The following PCDH15 variants were observed in gnomAD, a reference collection of about 807,000 sequenced individuals.
PCDH15 encodes the protein protocadherin related 15, also known as protocadherin-15.
Under a neutral mutation model 178.5 loss-of-function variants are expected in PCDH15, and 129 were observed. The observed-to-expected ratio is 0.72, with a 90% CI of 0.63 to 0.84. The LOEUF (loss-of-function observed/expected upper bound fraction) is 0.84. PCDH15 is among the 40% of genes least tolerant of loss of function. PCDH15 has a pLI of 0.00. For missense variants in PCDH15, 2,230 were observed against 2,099.9 expected, an observed-to-expected ratio of 1.06 and a Z score of -1.21; for synonymous variants, 800 against 732.0, an observed-to-expected ratio of 1.09 and a Z score of -1.50.
chr10:54,037,082 T>C (rs939743198), intron 18 of PCDH15, among the ~76,000 whole-genome samples: 2 of 151,960 alleles, frequency 1.3e-5, no homozygotes, highest in Non-Finnish European at 2.9e-5. Flanking sequence ...AATCTTATGA[T>C]AAACTTGAAC....
intron 3 of PCDH15, among the ~76,000 whole-genome samples, chr10:54,813,020 C>T (rs776376829): frequency 6.6e-6 from 1 of 152,128 alleles, no homozygotes; most frequent in Admixed American, 6.5e-5. Context: ...TCCAATCTTC[C>T]CTTTCTTTGC....
At chr10:53,823,282 C>A (rs2076431091) in intron 32 of PCDH15, 1 of 1,614,032 alleles carries the variant, frequency 6.2e-7, no homozygotes, top group Non-Finnish European at 8.5e-7. Context: ...AAGGGCATCA[C>A]AACTTGTTGA....
chr10:54,201,317 T>C (rs1366984574), intron 10 of PCDH15, among the ~76,000 whole-genome samples: 1 of 152,156 alleles, frequency 6.6e-6, no homozygotes, highest in South Asian at 2.1e-4. Context: ...CTTATCCTAC[T>C]GAAGCATTAA....
chr10:53,827,988 G>A (rs1025806722), intron 31 of PCDH15, among the ~76,000 whole-genome samples: 16 of 151,840 alleles, frequency 1.1e-4, no homozygotes, highest in African/African-American at 3.9e-4. Context: ...TTATTTCACA[G>A]AGGCTGTACA....
intron 2 of PCDH15, chr10:55,600,135 TG>T: frequency 3.0e-6 from 1 of 337,306 alleles, no homozygotes; most frequent in Non-Finnish European, 5.4e-6. Flanking sequence ...GAGGCCGAGG[TG>T]GGTGGATCAC....
chr10:55,406,103 A>G (rs888536037), intron 2 of PCDH15, among the ~76,000 whole-genome samples: 4 of 151,828 alleles, frequency 2.6e-5, no homozygotes, highest in African/African-American at 9.7e-5. Flanking sequence ...AGAGTACCCA[A>G]ATATGTTCAT....
chr10:53,950,537 C>T (rs1384835122), intron 23 of PCDH15, among the ~76,000 whole-genome samples: 2 of 152,082 alleles, frequency 1.3e-5, no homozygotes, highest in East Asian at 1.9e-4. Context: ...TAATATAATG[C>T]ATTTCCCACT....
At position 54,348,297 on chromosome 10, in the gene PCDH15, T is replaced by G. The variant is rs188508037; in HGVS notation, c.475-1813A>C. Among the ~76,000 whole-genome samples, 61 of 152,274 alleles carry G rather than the reference T, an allele frequency of 4.0e-4. No homozygotes were observed. In the East Asian group the frequency reaches 0.012, roughly 29 times the overall value. On this transcript the variant is annotated intron_variant, in intron 5 of 37. Transcript: ENST00000644397. Reference sequence around the variant, plus strand: ...CCATAAGTACAAGGAAGTTCAGGATTTATAAGGCCCAGTTTCCTAGCAGGC... The same window carrying G: ...CCATAAGTACAAGGAAGTTCAGGATGTATAAGGCCCAGTTTCCTAGCAGGC...
chr10:54,096,578 C>G (rs1326398343), intron 15 of PCDH15, among the ~76,000 whole-genome samples: 2 of 152,120 alleles, frequency 1.3e-5, no homozygotes, highest in Admixed American at 6.5e-5. Flanking sequence ...GATTCAAGAT[C>G]ATGGCACTAG....
intron 2 of PCDH15, among the ~76,000 whole-genome samples, chr10:55,021,826 C>T (rs114364011): frequency 7.0e-4 from 106 of 151,832 alleles, no homozygotes; most frequent in African/African-American, 2.4e-3. Flanking sequence ...AATGGGTCTG[C>T]ATATTTGCTA....
intron 21 of PCDH15, among the ~76,000 whole-genome samples, chr10:53,992,452 TAAAA>T (rs2091585532): frequency 6.6e-6 from 1 of 152,132 alleles, no homozygotes; most frequent in Admixed American, 6.5e-5. Flanking sequence ...CTAAAATATA[TAAAA>T]TATAAGGAAT....
chr10:53,806,286 A>ATTAT lies in PCDH15; in HGVS notation c.*289_*292dup, dbSNP rs1297976656. On this transcript the variant is annotated 3_prime_UTR_variant, in exon 38 of 38. Coordinates refer to ENST00000644397, the MANE Select transcript of PCDH15 (RefSeq NM_001384140.1). ...ATAAAATATAAATGATTATTTAGTA[A>ATTAT]TTATTTCTTGTTTATTAAAATGAAC... 3.7e-5 allele frequency: 10 copies of ATTAT among 268,190 alleles called. 1 individual carries two copies. Among genetic ancestry groups the ATTAT allele is most frequent in the Middle Eastern group, 2.6e-3 (2 of 772 alleles). 16.6% of individuals were successfully genotyped at this position (268,190 alleles called of 1,614,324 possible). A position where few individuals can be genotyped will look rare whatever the true frequency, so the allele number is the denominator to read the frequency against.
At chr10:54,002,357 C>T (rs188862328) in intron 20 of PCDH15, among the ~76,000 whole-genome samples, 1 of 152,046 alleles carries the variant, frequency 6.6e-6, no homozygotes, top group Non-Finnish European at 1.5e-5. Flanking sequence ...CTAACAGTTA[C>T]TCATAGAGCA....
chr10:54,790,993 AAATAAC>A (rs1326489622), intron 1 of PCDH15, among the ~76,000 whole-genome samples: 2 of 151,796 alleles, frequency 1.3e-5, no homozygotes, highest in African/African-American at 2.4e-5. Context: ...CCACAAACAA[AAATAAC>A]AATAACAACA....
intron 1 of PCDH15, among the ~76,000 whole-genome samples, chr10:54,720,010 GT>G (rs1032435471): frequency 1.3e-5 from 2 of 151,980 alleles, no homozygotes; most frequent in African/African-American, 4.8e-5. Flanking sequence ...TCTCACACCA[GT>G]CAGAGTGATG....
At chr10:54,185,930 AT>A (rs2048437168) in intron 11 of PCDH15, among the ~76,000 whole-genome samples, 1 of 152,100 alleles carries the variant, frequency 6.6e-6, no homozygotes, top group African/African-American at 2.4e-5. Context: ...TCTAGAAAAA[AT>A]GATATATACT....
chr10:54,383,538 A>G (rs557954141), intron 3 of PCDH15, among the ~76,000 whole-genome samples: 42 of 152,138 alleles, frequency 2.8e-4, no homozygotes, highest in Non-Finnish European at 5.0e-4. Flanking sequence ...TTATACCCTC[A>G]GAATATTGCA....
chr10:55,360,081 G>A (rs765073578), intron 2 of PCDH15, among the ~76,000 whole-genome samples: 12 of 151,900 alleles, frequency 7.9e-5, no homozygotes, highest in Non-Finnish European at 1.5e-4. Context: ...AACTACAGTT[G>A]ATAACAATAT....
chr10:53,931,500 G>T (rs1005895793), intron 25 of PCDH15, among the ~76,000 whole-genome samples: 11 of 152,082 alleles, frequency 7.2e-5, no homozygotes, highest in Non-Finnish European at 1.6e-4. Context: ...AAACAAAACA[G>T]ATACAAACTT....
Sources: allele counts gnomAD v4.1 joint callset (sites outside exome capture counted in the v4.1 genomes callset), GRCh38; gene constraint gnomAD v4.1.1; transcripts MANE v1.5; gene names NCBI Gene and HGNC (gene_info 2026-07-23, HGNC 2026-07-21).